RTN4IP1: variants seen among roughly 807,000 people sequenced by gnomAD.
RTN4IP1 encodes the protein reticulon 4 interacting protein 1.
Under a neutral mutation model 46.6 loss-of-function variants are expected in RTN4IP1, and 32 were observed. That is an observed-to-expected ratio of 0.69 (90% CI 0.52 to 0.92). RTN4IP1 has a LOEUF of 0.92. Ranked by LOEUF, RTN4IP1 falls within the 40% of genes least tolerant of loss-of-function variation. The pLI, the probability that RTN4IP1 is intolerant of heterozygous loss-of-function variation, is 0.00. For synonymous variants in RTN4IP1, 167 were observed against 161.8 expected (o/e 1.03, Z -0.24); for missense variants, 424 against 485.8 (o/e 0.87, Z 1.20).
At position 106,574,430 on chromosome 6, in the gene RTN4IP1, G is replaced by A. The variant is rs988536439; in HGVS notation, c.1084-2327C>T. Among the ~76,000 whole-genome samples, 5 of 148,386 alleles carry A rather than the reference G, an allele frequency of 3.4e-5. No individual in the cohort carries two copies. The South Asian group carries it at 6.4e-4, about 19-fold the overall frequency. On this transcript the variant is annotated intron_variant, in intron 8 of 8. Coordinates refer to ENST00000369063, the MANE Select transcript of RTN4IP1 (RefSeq NM_032730.5). ...TGCACTCCAGCCTGGGCAACAGAGC[G>A]AGACTCTGTCTCCAAAAAAAAAAAA...
intron 4 of RTN4IP1, among the ~76,000 whole-genome samples, chr6:106,609,511 A>AGAGT (rs1486740605): frequency 2.6e-5 from 4 of 152,218 alleles, no homozygotes; most frequent in Non-Finnish European, 5.9e-5. Flanking sequence ...CCTGGGTGAC[A>AGAGT]GAGTGAGACC....
intron 6 of RTN4IP1, among the ~76,000 whole-genome samples, chr6:106,589,973 T>C (rs1775606199): frequency 6.6e-6 from 1 of 152,140 alleles, no homozygotes; most frequent in Non-Finnish European, 1.5e-5. Context: ...CCTCTAGCCT[T>C]CCGTCTGTCA....
At chr6:106,599,471 G>A (rs1214258478) in intron 5 of RTN4IP1, among the ~76,000 whole-genome samples, 1 of 142,770 alleles carries the variant, frequency 7.0e-6, no homozygotes, top group African/African-American at 2.6e-5. Flanking sequence ...TTTTTAAGAA[G>A]TTTTACTAAG....
rs1235245432 is a variant in RTN4IP1 at position 106,605,569 on chromosome 6, T to A, written c.621-2647A>T. Among the ~76,000 whole-genome samples, 10 of 149,590 alleles carry A rather than the reference T, an allele frequency of 6.7e-5. No individual in the cohort carries two copies. In the South Asian group the frequency reaches 2.1e-3, roughly 32 times the overall value. On this transcript the variant is annotated intron_variant, in intron 4 of 8. Coordinates refer to ENST00000369063, the MANE Select transcript of RTN4IP1 (RefSeq NM_032730.5). ...TGGCTCATGCCTGTAATCCCAGCACTTTGGGAGGCCGAGGTGGGCAGATCA... is the reference window on the plus strand; with the variant it reads ...TGGCTCATGCCTGTAATCCCAGCACATTGGGAGGCCGAGGTGGGCAGATCA...
chr6:106,594,653 C>T (rs940615749), intron 5 of RTN4IP1, among the ~76,000 whole-genome samples: 1 of 152,140 alleles, frequency 6.6e-6, no homozygotes, highest in Non-Finnish European at 1.5e-5. Flanking sequence ...TACCCTTTCC[C>T]AAAATAATTA....
rs1776516589 is a variant in RTN4IP1 at position 106,622,851 on chromosome 6, C to A, written c.393G>T (p.Gly131=). ...CAGGCTTGAAGTATTTCACATCAAGCCCACATTCCATCACCACGCCAGAGA... is the reference window on the plus strand; with the variant it reads ...CAGGCTTGAAGTATTTCACATCAAGACCACATTCCATCACCACGCCAGAGA... ...RDVSGVVMEC[G]LDVKYFKPGD... Residue 131 remains glycine (G), a synonymous_variant, in exon 2 of 9, where the codon GGG becomes GGT. Transcript: ENST00000369063. The A allele has an allele frequency of 6.2e-7, 1 of 1,613,818 alleles. No individual in the cohort carries two copies. The highest frequency in any genetic ancestry group is 8.5e-7 in the Non-Finnish European group (1 of 1,179,888).
rs757942805 is a variant in RTN4IP1, at chr6:106,602,929, T to C, written c.621-7A>G. 6.3e-7 allele frequency: 1 copy of C among 1,599,342 alleles called. No individual in the cohort carries two copies. The highest frequency in any genetic ancestry group is 1.1e-5 in the South Asian group (1 of 88,196). On this transcript the variant is annotated splice_polypyrimidine_tract_variant and splice_region_variant and intron_variant, in intron 4 of 8. Transcript: ENST00000369063. ...AGCGCCTAAGATTAGAACACTGAAATGCAAAGGAAACCACAATTAACGAGA... is the reference window on the plus strand; with the variant it reads ...AGCGCCTAAGATTAGAACACTGAAACGCAAAGGAAACCACAATTAACGAGA...
At chr6:106,603,847 G>A (rs1414433264) in intron 4 of RTN4IP1, among the ~76,000 whole-genome samples, 1 of 152,112 alleles carries the variant, frequency 6.6e-6, no homozygotes, top group Non-Finnish European at 1.5e-5. Context: ...TGTTTGTACT[G>A]TACTTTGGTG....
At chr6:106,591,402 G>C (rs1334568912) in intron 6 of RTN4IP1, among the ~76,000 whole-genome samples, 3 of 152,086 alleles carry the variant, frequency 2.0e-5, no homozygotes, top group African/African-American at 4.8e-5. Flanking sequence ...AGGCTGGGCG[G>C]TGTCAGATAA....
intron 4 of RTN4IP1, among the ~76,000 whole-genome samples, chr6:106,615,127 C>G (rs74529702): frequency 1.3e-5 from 2 of 152,156 alleles, no homozygotes; most frequent in Non-Finnish European, 2.9e-5. Context: ...CCCTTACCCC[C>G]CTAACAATAC....
chr6:106,578,215 G>A (rs1749786759), intron 8 of RTN4IP1, among the ~76,000 whole-genome samples: 2 of 152,174 alleles, frequency 1.3e-5, no homozygotes, highest in Non-Finnish European at 2.9e-5. Flanking sequence ...GATTATTTAA[G>A]CAGAAAACAA....
intron 8 of RTN4IP1, among the ~76,000 whole-genome samples, chr6:106,579,990 G>A (rs1775319182): frequency 6.6e-6 from 1 of 151,770 alleles, no homozygotes; most frequent in African/African-American, 2.4e-5. Context: ...TGAAGTGGGT[G>A]GATCATGAGG....
At chr6:106,578,591 T>C (rs1562130297) in intron 8 of RTN4IP1, among the ~76,000 whole-genome samples, 1 of 152,200 alleles carries the variant, frequency 6.6e-6, no homozygotes, top group Non-Finnish European at 1.5e-5. Flanking sequence ...CTTAAGGGGA[T>C]AATTATAAAT....
chr6:106,584,030 C>T (rs1775427731), intron 7 of RTN4IP1, among the ~76,000 whole-genome samples: 1 of 152,200 alleles, frequency 6.6e-6, no homozygotes, highest in Non-Finnish European at 1.5e-5. Context: ...CAGGGCAATA[C>T]CCTCCAAATG....
At chr6:106,597,742 T>G (rs1218358190) in intron 5 of RTN4IP1, among the ~76,000 whole-genome samples, 1 of 151,824 alleles carries the variant, frequency 6.6e-6, no homozygotes, top group Non-Finnish European at 1.5e-5. Flanking sequence ...ATGTGCACAT[T>G]GTGCAGGTTA....
chr6:106,629,045 G>A lies in RTN4IP1; in HGVS notation c.-24C>T. On this transcript the variant is annotated 5_prime_UTR_variant, in exon 1 of 9. Coordinates refer to ENST00000369063, the MANE Select transcript of RTN4IP1 (RefSeq NM_032730.5). ...ATTGTAAACACTGGTTGAACTGCGT[G>A]CTCAAATTCAAATACACTTGGACTG... 1 of 1,589,982 alleles carries A rather than the reference G, an allele frequency of 6.3e-7. No individual in the cohort carries two copies.
chr6:106,583,180 C>A, intron 8 of RTN4IP1, 148 bp downstream of exon 8: 1 of 604,780 alleles, frequency 1.7e-6, no homozygotes. Flanking sequence ...AAAGACATAG[C>A]ATGTAAACTT....
intron 6 of RTN4IP1, among the ~76,000 whole-genome samples, chr6:106,588,495 G>A (rs1050829443): frequency 4.6e-5 from 7 of 152,146 alleles, no homozygotes; most frequent in African/African-American, 1.7e-4. Context: ...AAGGAGAAAT[G>A]AACAGCCTGT....
intron 8 of RTN4IP1, among the ~76,000 whole-genome samples, chr6:106,575,553 G>A (rs2114617910): frequency 6.6e-6 from 1 of 152,330 alleles, no homozygotes; most frequent in African/African-American, 2.4e-5. Flanking sequence ...GGCTTCGGAA[G>A]ACGGTACAGA....
Sources: gnomAD v4.1 joint callset for allele counts (sites outside exome capture counted in the v4.1 genomes callset) on GRCh38, gnomAD v4.1.1 for gene constraint, MANE v1.5 for transcripts, NCBI Gene and HGNC (gene_info 2026-07-23, HGNC 2026-07-21) for gene names.